ZDHHC13: variants seen among roughly 807,000 people sequenced by gnomAD.
The protein encoded by ZDHHC13 is zDHHC palmitoyltransferase 13.
In ZDHHC13, 85 loss-of-function variants were observed where a neutral mutation model predicts 86.0. The observed-to-expected ratio is 0.99, with a 90% CI of 0.83 to 1.18. The LOEUF is 1.18. Among genes scored for constraint, ZDHHC13 ranks in the 50% most tolerant of loss-of-function variants. ZDHHC13 has a pLI of 0.00. For missense variants in ZDHHC13, 711 were observed against 730.2 expected (o/e 0.97, Z 0.30); for synonymous variants, 263 against 246.4 (o/e 1.07, Z -0.63).
In ZDHHC13 at chr11:19,117,270, C is replaced by T; in HGVS notation, c.21C>T (p.Gly7=). 2.0e-6 allele frequency: 3 copies of T among 1,488,964 alleles called. No homozygotes were observed. Among genetic ancestry groups the T allele is most frequent in the Non-Finnish European group, 2.7e-6 (3 of 1,119,324 alleles). The allele number at this position is 1,488,964 out of a possible 1,614,324, so 92.2% of individuals were successfully genotyped here. A position where few individuals can be genotyped will look rare whatever the true frequency, so the allele number is the denominator to read the frequency against. ...GGGAGATGGAGGGGCCGGGGCTGGG[C>T]TCGCAGGTGAGTGCGGCCGGGCGGT... The part of the protein sequence containing the change: MEGPGL[G]SQCRNHSHGP... The change falls in exon 1 of 17, where the codon GGC becomes GGT. Residue 7 remains glycine, a synonymous_variant. Transcript: ENST00000446113. This position sits in a 1 kb window ranked among gnomAD's most constrained non-coding sequence, Gnocchi z 4.2.
intron 1 of ZDHHC13, among the ~76,000 whole-genome samples, chr11:19,123,977 T>C (rs1848813243): frequency 6.6e-6 from 1 of 152,192 alleles, no homozygotes. Flanking sequence ...GGAGAGTATT[T>C]GGTCAGAATC....
intron 8 of ZDHHC13, among the ~76,000 whole-genome samples, chr11:19,153,311 A>G (rs1452422436): frequency 1.3e-5 from 2 of 152,202 alleles, no homozygotes; most frequent in Non-Finnish European, 2.9e-5. Context: ...ATGAATGTCT[A>G]AGAAAATCTA....
At chr11:19,155,744 A>T in intron 8 of ZDHHC13, 52 bp from the exon 9 acceptor site, 1 of 1,582,408 alleles carries the variant, frequency 6.3e-7, no homozygotes, top group South Asian at 1.2e-5. Flanking sequence ...CTATTATTAG[A>T]TACTTAAGAG....
chr11:19,143,201 C>T, intron 2 of ZDHHC13, 78 bp downstream of exon 2: 1 of 1,442,002 alleles, frequency 6.9e-7, no homozygotes, highest in Non-Finnish European at 9.3e-7. Context: ...CATGGAGCTT[C>T]ATATGTTTAC....
intron 16 of ZDHHC13, among the ~76,000 whole-genome samples, 185 bp downstream of exon 16, chr11:19,173,005 G>C (rs1417881431): frequency 6.6e-6 from 1 of 152,178 alleles, no homozygotes. Context: ...GCCCCACGGT[G>C]GTAAGAATTC....
chr11:19,165,042 G>T lies in ZDHHC13; in HGVS notation c.1297-10G>T. 6.2e-7 allele frequency: 1 copy of T among 1,610,232 alleles called. No homozygotes were observed. The highest frequency in any genetic ancestry group is 8.5e-7 in the Non-Finnish European group (1 of 1,178,110). ...GTTTTTGCTTAGGCCTCTCTTAATTGCCCACTTAGATAAGGAAGCCATTAA... is the reference window on the plus strand; with the variant it reads ...GTTTTTGCTTAGGCCTCTCTTAATTTCCCACTTAGATAAGGAAGCCATTAA... On this transcript the variant is annotated splice_polypyrimidine_tract_variant and intron_variant, in intron 12 of 16. Coordinates refer to ENST00000446113, the MANE Select transcript of ZDHHC13 (RefSeq NM_019028.3).
chr11:19,135,052 A>T (rs183846372), intron 1 of ZDHHC13, among the ~76,000 whole-genome samples: 70 of 152,158 alleles, frequency 4.6e-4, no homozygotes, highest in African/African-American at 1.3e-3. Context: ...TACATCTTTT[A>T]AAAAAAGTGG....
intron 4 of ZDHHC13, among the ~76,000 whole-genome samples, chr11:19,148,061 A>G (rs924904092): frequency 1.3e-5 from 2 of 152,180 alleles, no homozygotes; most frequent in African/African-American, 2.4e-5. Context: ...GTATATCTCT[A>G]TATCTTAGGG....
In ZDHHC13 at chr11:19,152,329, A is replaced by G. The variant is rs1213513888; in HGVS notation, c.747+9A>G. 1.1e-5 allele frequency: 17 copies of G among 1,611,104 alleles called. No homozygotes were observed. The highest frequency in any genetic ancestry group is 2.7e-5 in the African/African-American group (2 of 74,790). ...ATATCCAGAATGTTAAGGTATGGCC[A>G]GATATTTATCTCCCTTAGTTTATTA... On this transcript the variant is annotated intron_variant, in intron 7 of 16. Coordinates refer to ENST00000446113, the MANE Select transcript of ZDHHC13 (RefSeq NM_019028.3).
chr11:19,123,470 C>T (rs891279582), intron 1 of ZDHHC13, among the ~76,000 whole-genome samples: 7 of 151,874 alleles, frequency 4.6e-5, no homozygotes, highest in Admixed American at 2.6e-4. Flanking sequence ...GGCAACATAA[C>T]GAGACCTATC....
intron 10 of ZDHHC13, among the ~76,000 whole-genome samples, chr11:19,161,882 A>G (rs1849920762): frequency 6.6e-6 from 1 of 152,116 alleles, no homozygotes; most frequent in Admixed American, 6.6e-5. Context: ...CAAGAAAGCA[A>G]GTATATTCTC....
At chr11:19,158,390 A>T (rs1256530981) in intron 9 of ZDHHC13, among the ~76,000 whole-genome samples, 4 of 152,074 alleles carry the variant, frequency 2.6e-5, no homozygotes, top group Admixed American at 6.6e-5. Context: ...TAGTGTTCTG[A>T]ATACTAGTAT....
At chr11:19,170,605 AT>A (rs766057358) in intron 15 of ZDHHC13, 37 bp downstream of exon 15, 27 of 1,491,282 alleles carry the variant, frequency 1.8e-5, no homozygotes, top group Non-Finnish European at 2.7e-6. Context: ...TTTGAGTAAA[AT>A]TTCTAAAACT....
intron 3 of ZDHHC13, 37 bp from the exon 4 acceptor site, chr11:19,147,540 CTCAATATGAAGCTTAAGTT>C: frequency 7.0e-7 from 1 of 1,436,784 alleles, no homozygotes; most frequent in Non-Finnish European, 9.5e-7. Flanking sequence ...TATTTTCTTT[CTCAATATGAAGCTTAAGTT>C]TCAAATCTTA....
chr11:19,152,321 G>A lies in ZDHHC13; in HGVS notation c.747+1G>A, dbSNP rs780357952. On this transcript the variant is annotated splice_donor_variant, in intron 7 of 16. Transcript: ENST00000446113. LOFTEE classifies it high-confidence loss of function. The stretch of plus-strand genomic sequence containing the variant: ...TAGCCTGGATATCCAGAATGTTAAG[G>A]TATGGCCAGATATTTATCTCCCTTA... 1 of 1,612,306 alleles carries A rather than the reference G, an allele frequency of 6.2e-7. No homozygotes were observed. Among genetic ancestry groups the A allele is most frequent in the Admixed American group, 1.7e-5 (1 of 59,752 alleles).
chr11:19,135,549 C>T (rs2133382365), intron 1 of ZDHHC13, among the ~76,000 whole-genome samples: 1 of 152,350 alleles, frequency 6.6e-6, no homozygotes, highest in South Asian at 2.1e-4. Context: ...AGCCGGGAAG[C>T]TCGAACTGGG....
At chr11:19,164,416 G>C (rs369144401) in intron 12 of ZDHHC13, 53 bp downstream of exon 12, 1 of 1,526,756 alleles carries the variant, frequency 6.5e-7, no homozygotes, top group African/African-American at 1.4e-5. Context: ...TCTTGGTAAC[G>C]TTGCTGATGT....
At chr11:19,167,374 TTCTC>T (rs1850099733) in intron 14 of ZDHHC13, 2 of 152,308 alleles carry the variant, frequency 1.3e-5, no homozygotes, top group African/African-American at 2.4e-5. Flanking sequence ...TTTCCTCTCT[TTCTC>T]TCTTCTGTGT....
intron 1 of ZDHHC13, among the ~76,000 whole-genome samples, chr11:19,126,745 G>A (rs1022896615): frequency 2.0e-5 from 3 of 151,662 alleles, no homozygotes; most frequent in African/African-American, 7.3e-5. Context: ...CTGCATAGGG[G>A]TAATAGCCTC....
Sources: gnomAD v4.1 joint callset for allele counts (sites outside exome capture counted in the v4.1 genomes callset) on GRCh38, gnomAD v4.1.1 for gene constraint, Gnocchi (gnomAD v3.1) non-coding constraint, MANE v1.5 for transcripts, NCBI Gene and HGNC (gene_info 2026-07-23, HGNC 2026-07-21) for gene names.